The following NFE2L1 variants were observed in gnomAD, a reference collection of about 807,000 sequenced individuals.
NFE2L1 encodes the protein NFE2 like bZIP transcription factor 1, also known as endoplasmic reticulum membrane sensor NFE2L1.
NFE2L1 carries 18 observed loss-of-function variants against 61.6 expected under a neutral mutation model. The ratio of observed to expected loss-of-function variants is 0.29; its 90% CI spans 0.20 to 0.43. NFE2L1 has a LOEUF of 0.43. Ranked by LOEUF, NFE2L1 falls within the 20% of genes least tolerant of loss-of-function variation. The pLI, the probability that NFE2L1 is intolerant of heterozygous loss-of-function variation, is 1.00. For missense variants in NFE2L1, 827 were observed against 973.5 expected (o/e 0.85, Z 2.00); for synonymous variants, 419 against 402.7 (o/e 1.04, Z -0.48).
Position 48,051,276 on chromosome 17 carries a change from C to T in NFE2L1, c.158C>T (p.Thr53Ile). ...ILGPSSAYTQ[T>I]QFHNLRNTLD... ...GGGCCCAGTTCTGCCTATACTCAGA[C>T]CCAGTTCCACAACCTGAGGAATACC... is the stretch of plus-strand genomic sequence containing the variant. Residue 53 changes from threonine to isoleucine, a missense_variant, in exon 2 of 6, where the codon ACC (threonine) becomes ATC (isoleucine). Around this residue, in one of 3 missense-constraint regions of NFE2L1, gnomAD observed 667 missense variants for 748.4 expected, o/e 0.89. Coordinates refer to ENST00000362042, the MANE Select transcript of NFE2L1 (RefSeq NM_003204.3). The T allele has an allele frequency of 6.2e-7, 1 of 1,614,144 alleles. No individual in the cohort carries two copies. Among genetic ancestry groups the T allele is most frequent in the Non-Finnish European group, 8.5e-7 (1 of 1,180,030 alleles).
chr17:48,056,471 A>G lies in NFE2L1; in HGVS notation c.596A>G (p.Lys199Arg), dbSNP rs777556915. The change falls in exon 3 of 6, where the codon AAG becomes AGG. Residue 199 changes from lysine (K) to arginine (R), a missense_variant. Coordinates refer to ENST00000362042, the MANE Select transcript of NFE2L1 (RefSeq NM_003204.3). ...GTTTTTGACTATAGTCACCGCCAGA[A>G]GGAGCAGGATGTGGAGAAGGAGCTG... The part of the protein sequence containing the change: ...REVFDYSHRQ[K>R]EQDVEKELRD... 3.7e-6 allele frequency: 6 copies of G among 1,614,084 alleles called. No individual in the cohort carries two copies. Among genetic ancestry groups the G allele is most frequent in the Non-Finnish European group, 5.1e-6 (6 of 1,180,032 alleles).
chr17:48,049,199 T>G (rs1362504545), intron 1 of NFE2L1: 1 of 152,152 alleles, frequency 6.6e-6, no homozygotes, highest in Non-Finnish European at 1.5e-5. Flanking sequence ...AGCTCAAAAG[T>G]GGAGACCAGA....
At chr17:48,050,352 G>A (rs143465400) in intron 1 of NFE2L1, among the ~76,000 whole-genome samples, 3 of 152,084 alleles carry the variant, frequency 2.0e-5, no homozygotes, top group Non-Finnish European at 4.4e-5. Flanking sequence ...GGTGGCAGGC[G>A]CCTGTAATCC....
At chr17:48,049,049 A>G (rs1335804154) in intron 1 of NFE2L1, 1 of 152,238 alleles carries the variant, frequency 6.6e-6, no homozygotes, top group African/African-American at 2.4e-5. Flanking sequence ...CTGACCAGAG[A>G]GAGGGAGTGT....
intron 5 of NFE2L1, among the ~76,000 whole-genome samples, 177 bp from the exon 6 acceptor site, chr17:48,058,118 C>G (rs776868926): frequency 1.3e-5 from 2 of 152,176 alleles, no homozygotes; most frequent in Non-Finnish European, 2.9e-5. Flanking sequence ...TGGAAGAACC[C>G]ATCTCTGCCA....
Position 48,059,802 on chromosome 17 carries a change from C to T in NFE2L1, c.*161C>T. On this transcript the variant is annotated 3_prime_UTR_variant, in exon 6 of 6. Transcript: ENST00000362042. The surrounding 1 kb of genome is among the most constrained non-coding windows in gnomAD (Gnocchi z 6.1). ...GGGTCAGTGTACAGGAAGAGGCAGG[C>T]ACTGGCTGGCTCAGCTCCACTCGGG... The T allele has an allele frequency of 5.4e-6, 6 of 1,109,670 alleles. No homozygotes were observed. Among genetic ancestry groups the T allele is most frequent in the Non-Finnish European group, 7.4e-6 (6 of 809,784 alleles). The allele number at this position is 1,109,670 out of a possible 1,614,324, so 68.7% of individuals were successfully genotyped here. A position where few individuals can be genotyped will look rare whatever the true frequency, so the allele number is the denominator to read the frequency against.
chr17:48,052,926 A>G (rs370131647), intron 2 of NFE2L1, among the ~76,000 whole-genome samples: 1 of 152,138 alleles, frequency 6.6e-6, no homozygotes, highest in East Asian at 1.9e-4. Context: ...CTGCTTTGAG[A>G]GAGACTAGGA....
At chr17:48,049,757 A>G (rs1598277069) in intron 1 of NFE2L1, among the ~76,000 whole-genome samples, 3 of 152,328 alleles carry the variant, frequency 2.0e-5, no homozygotes, top group African/African-American at 7.2e-5. Context: ...AACAAAAGGC[A>G]TTCTTCTTCT....
intron 2 of NFE2L1, among the ~76,000 whole-genome samples, chr17:48,053,055 C>G (rs998617829): frequency 2.0e-5 from 3 of 152,172 alleles, no homozygotes; most frequent in Non-Finnish European, 4.4e-5. Context: ...CAAGTGGGCT[C>G]TAATCTTGGC....
chr17:48,057,647 C>T, intron 5 of NFE2L1, 145 bp downstream of exon 5: 2 of 1,071,992 alleles, frequency 1.9e-6, no homozygotes, highest in Non-Finnish European at 2.6e-6. Context: ...GAAACCTGTC[C>T]AGGTGTGTCC....
At chr17:48,056,077 G>T in intron 2 of NFE2L1, 1 of 337,296 alleles carries the variant, frequency 3.0e-6, no homozygotes, top group African/African-American at 2.1e-5. Context: ...TTATGTAGGG[G>T]GGAGGCGGCC....
chr17:48,054,546 T>A, intron 2 of NFE2L1: 1 of 1,188,906 alleles, frequency 8.4e-7, no homozygotes, highest in Non-Finnish European at 1.0e-6. Context: ...GCAGCCCAGC[T>A]GCTGACCTGG....
intron 1 of NFE2L1, among the ~76,000 whole-genome samples, chr17:48,049,502 C>A (rs947352263): frequency 1.3e-5 from 2 of 152,184 alleles, no homozygotes; most frequent in African/African-American, 4.8e-5. Context: ...AAGCGATTCT[C>A]CTGTCTCAGC....
chr17:48,059,063 C>T lies in NFE2L1; in HGVS notation c.1741C>T (p.Pro581Ser), dbSNP rs771372721. The T allele has an allele frequency of 1.2e-6, 2 of 1,614,118 alleles. No individual in the cohort carries two copies. The highest frequency in any genetic ancestry group is 1.7e-5 in the Admixed American group (1 of 60,010). The part of the protein sequence containing the change: ...VGHNHTYNMA[P>S]SALDSADLPP... ...CCACAACCACACATACAACATGGCA[C>T]CCAGTGCCCTGGACTCAGCCGACCT... Residue 581 changes from proline (P) to serine (S), a missense_variant, in exon 6 of 6, where the codon CCC becomes TCC. By Grantham distance (74) the Pro-to-Ser change is moderately conservative (BLOSUM62 -1). Coordinates refer to ENST00000362042, the MANE Select transcript of NFE2L1 (RefSeq NM_003204.3). The surrounding 1 kb of genome is among the most constrained non-coding windows in gnomAD (Gnocchi z 6.1).
intron 1 of NFE2L1, 55 bp from the exon 2 acceptor site, chr17:48,050,552 C>G: frequency 4.9e-6 from 2 of 405,360 alleles, no homozygotes; most frequent in Non-Finnish European, 8.7e-6. Context: ...CTACCCTGAT[C>G]ATGATGTGAA....
Position 48,051,209 on chromosome 17 carries a change from T to G in NFE2L1, c.91T>G (p.Tyr31Asp). 6.2e-7 allele frequency: 1 copy of G among 1,614,196 alleles called. No homozygotes were observed. Among genetic ancestry groups the G allele is most frequent in the Non-Finnish European group, 8.5e-7 (1 of 1,180,032 alleles). The change falls in exon 2 of 6, where the codon TAC becomes GAC. Residue 31 changes from tyrosine to aspartate, a missense_variant. Around this residue, in one of 3 missense-constraint regions of NFE2L1, gnomAD observed 667 missense variants for 748.4 expected, o/e 0.89. Coordinates refer to ENST00000362042, the MANE Select transcript of NFE2L1 (RefSeq NM_003204.3). ...TGGGGTACGGGTGGACGTGGATACT[T>G]ACCTGACCTCACAGCTTCCCCCACT... ...LIGVRVDVDT[Y>D]LTSQLPPLRE...
Position 48,051,205 on chromosome 17 carries a change from T to A in NFE2L1, c.87T>A (p.Asp29Glu). ...TGATTGGGGTACGGGTGGACGTGGA[T>A]ACTTACCTGACCTCACAGCTTCCCC... ...LSLIGVRVDV[D>E]TYLTSQLPPL... The change falls in exon 2 of 6, where the codon GAT (aspartate) becomes GAA (glutamate). Residue 29 changes from aspartate to glutamate, a missense_variant. Asp to Glu is a conservative substitution (Grantham distance 45, BLOSUM62 2). Around this residue, in one of 3 missense-constraint regions of NFE2L1, gnomAD observed 667 missense variants for 748.4 expected, o/e 0.89. Transcript: ENST00000362042. The A allele has an allele frequency of 6.2e-7, 1 of 1,614,186 alleles. No individual in the cohort carries two copies.
chr17:48,050,339 C>T (rs1385980453), intron 1 of NFE2L1, among the ~76,000 whole-genome samples: 2 of 152,112 alleles, frequency 1.3e-5, no homozygotes, highest in East Asian at 1.9e-4. Flanking sequence ...ATTAGCAGGG[C>T]GTGGTGGCAG....
chr17:48,058,405 C>T lies in NFE2L1; in HGVS notation c.1083C>T (p.Val361=), dbSNP rs901696567. The change falls in exon 6 of 6, where the codon GTC becomes GTT. Residue 361 remains valine, a synonymous_variant. Coordinates refer to ENST00000362042, the MANE Select transcript of NFE2L1 (RefSeq NM_003204.3). The stretch of plus-strand genomic sequence containing the variant: ...CCAACACTCCCATCAATCAGAATGT[C>T]AGCCTGCATCAGGCGTCCCTGGGGG... ...LAPNTPINQN[V]SLHQASLGGC... The T allele has an allele frequency of 3.1e-6, 5 of 1,614,098 alleles. No individual in the cohort carries two copies. The African/African-American group carries it at 5.3e-5, about 17-fold the overall frequency.
Sources: allele counts gnomAD v4.1 joint callset (sites outside exome capture counted in the v4.1 genomes callset), GRCh38; gene constraint gnomAD v4.1.1; regional missense constraint gnomAD v4.1.1; non-coding constraint Gnocchi (gnomAD v3.1); transcripts MANE v1.5; gene names NCBI Gene and HGNC (gene_info 2026-07-23, HGNC 2026-07-21).